GPC4: variants seen among roughly 807,000 people sequenced by gnomAD.
GPC4 encodes the protein glypican 4.
GPC4 carries 10 observed loss-of-function variants against 35.0 expected under a neutral mutation model. The ratio of observed to expected loss-of-function variants is 0.29; its 90% confidence interval spans 0.18 to 0.48. The LOEUF (loss-of-function observed/expected upper bound fraction) is 0.48. Ranked by LOEUF, GPC4 falls within the 20% of genes least tolerant of loss-of-function variation. The pLI is 0.99. For missense variants in GPC4, 322 were observed against 451.3 expected (o/e 0.71, Z 2.60); for synonymous variants, 167 against 170.2 (o/e 0.98, Z 0.15).
At chrX:133,396,477 T>C (rs2068743404) in intron 1 of GPC4, among the ~76,000 whole-genome samples, 2 of 112,260 alleles carry the variant, frequency 1.8e-5, no homozygotes, top group African/African-American at 6.5e-5. Context: ...AATCAATAAC[T>C]GCGCCAAATG....
intron 1 of GPC4, among the ~76,000 whole-genome samples, chrX:133,386,094 G>A (rs1323052014): frequency 9.2e-6 from 1 of 108,972 alleles, no homozygotes; most frequent in Non-Finnish European, 1.9e-5. Flanking sequence ...CTCTGGCCCA[G>A]CACAGTGGTT....
intron 1 of GPC4, among the ~76,000 whole-genome samples, chrX:133,411,580 C>T (rs1459539099): frequency 1.8e-5 from 2 of 110,956 alleles, no homozygotes; most frequent in Non-Finnish European, 3.8e-5. Flanking sequence ...GCTTGTATGG[C>T]ACTTATCACC....
intron 7 of GPC4, among the ~76,000 whole-genome samples, chrX:133,304,284 A>G (rs145084935): frequency 0.056 from 6,211 of 110,798 alleles, 188 homozygotes; most frequent in Middle Eastern, 0.15. Flanking sequence ...TGGGCAAAAG[A>G]GCGAGACTCC....
At chrX:133,318,764 C>T (rs1469527832) in intron 3 of GPC4, among the ~76,000 whole-genome samples, 1 of 112,285 alleles carries the variant, frequency 8.9e-6, no homozygotes, top group Non-Finnish European at 1.9e-5. Context: ...TATCATGAAC[C>T]ATGACAAATA....
intron 6 of GPC4, among the ~76,000 whole-genome samples, 175 bp downstream of exon 6, chrX:133,305,597 A>G (rs962698706): frequency 1.8e-5 from 2 of 112,529 alleles, no homozygotes; most frequent in African/African-American, 6.5e-5. Flanking sequence ...GCTACCCAAG[A>G]ACTTTCTGGG....
intron 4 of GPC4, among the ~76,000 whole-genome samples, chrX:133,309,771 G>A (rs2068306576): frequency 8.9e-6 from 1 of 111,918 alleles, no homozygotes; most frequent in South Asian, 3.7e-4. Context: ...GATGAGTGTG[G>A]GATTAAAGAG....
chrX:133,324,687 G>C, intron 2 of GPC4, 151 bp from the exon 3 acceptor site: 1 of 532,498 alleles, frequency 1.9e-6, no homozygotes, highest in Non-Finnish European at 2.9e-6. Context: ...TTCTTTTGGG[G>C]AATGTGGCAT....
At chrX:133,341,912 T>A (rs1322039080) in intron 1 of GPC4, among the ~76,000 whole-genome samples, 3 of 108,989 alleles carry the variant, frequency 2.8e-5, no homozygotes, top group African/African-American at 1.0e-4. Context: ...CTGCCACACA[T>A]AAAAGGCCCA....
At chrX:133,377,263 A>G (rs938986257) in intron 1 of GPC4, among the ~76,000 whole-genome samples, 4 of 111,759 alleles carry the variant, frequency 3.6e-5, no homozygotes, top group Non-Finnish European at 7.5e-5. Flanking sequence ...CCCAGAGCCT[A>G]AGACCTCCCA....
intron 3 of GPC4, among the ~76,000 whole-genome samples, chrX:133,321,124 T>C (rs1011976309): frequency 8.9e-6 from 1 of 112,241 alleles, no homozygotes; most frequent in African/African-American, 3.2e-5. Flanking sequence ...AGTAAGGGTG[T>C]CTGAATCTTA....
In GPC4 at chrX:133,303,194, A is replaced by G; in HGVS notation, c.1440T>C (p.Asn480=). The G allele has an allele frequency of 8.3e-7, 1 of 1,211,553 alleles. No individual in the cohort carries two copies. The highest frequency in any genetic ancestry group is 1.1e-6 in the Non-Finnish European group (1 of 895,393). ...TATCAAAGAAGTCCACGTCGTTCCCATTGTATGCATTCTTCATCTTGCTGG... is the reference window on the plus strand; with the variant it reads ...TATCAAAGAAGTCCACGTCGTTCCCGTTGTATGCATTCTTCATCTTGCTGG... The part of the protein sequence containing the change: ...VMTSKMKNAY[N]GNDVDFFDIS... Residue 480 remains asparagine, a synonymous_variant, in exon 8 of 9, where the codon AAT becomes AAC. Transcript: ENST00000370828.
rs746824918 is a variant in GPC4 at position 133,405,104 on chromosome X, CTTTTTTTTTTT to C, written c.160+9691_160+9701del. 2.0e-3 allele frequency among the ~76,000 whole-genome samples: 136 copies of C among 67,155 alleles called. No individual in the cohort carries two copies. In the South Asian group the frequency reaches 0.022, roughly 11 times the overall value. 58.3% of individuals were successfully genotyped at this position (67,155 alleles called of 115,157 possible). ...TATTTTGAATATTTCCAATAGAACT[CTTTTTTTTTTT>C]TTTTTTTTTTGAGACAGAGTTTCAC... On this transcript the variant is annotated intron_variant, in intron 1 of 8. Coordinates refer to ENST00000370828, the MANE Select transcript of GPC4 (RefSeq NM_001448.3).
chrX:133,395,644 T>A (rs1273134389), intron 1 of GPC4, among the ~76,000 whole-genome samples: 1 of 111,593 alleles, frequency 9.0e-6, no homozygotes, highest in Non-Finnish European at 1.9e-5. Context: ...AAATGAAATT[T>A]TTTTTAAACC....
chrX:133,415,080 A>C lies in GPC4; in HGVS notation c.-115T>G, dbSNP rs1442299630. 8 of 753,876 alleles carry C rather than the reference A, an allele frequency of 1.1e-5. No homozygotes were observed. Among genetic ancestry groups the C allele is most frequent in the Non-Finnish European group, 1.5e-5 (8 of 530,274 alleles). 62.1% of individuals were successfully genotyped at this position (753,876 alleles called of 1,213,427 possible). On this transcript the variant is annotated 5_prime_UTR_variant, in exon 1 of 9. Coordinates refer to ENST00000370828, the MANE Select transcript of GPC4 (RefSeq NM_001448.3). ...ACTAGCGAGTGGAGCTGGAGGGAGAAGGAGTTGGAGTTGGTGGAAGAGGCG... is the reference window on the plus strand; with the variant it reads ...ACTAGCGAGTGGAGCTGGAGGGAGACGGAGTTGGAGTTGGTGGAAGAGGCG...
At chrX:133,412,782 C>T (rs772633863) in intron 1 of GPC4, among the ~76,000 whole-genome samples, 47 of 111,491 alleles carry the variant, frequency 4.2e-4, no homozygotes, top group Admixed American at 3.4e-3. Context: ...CTCTGAGCAC[C>T]CTTCAAGCTT....
At chrX:133,325,856 AC>A (rs2068390399) in intron 2 of GPC4, among the ~76,000 whole-genome samples, 1 of 111,589 alleles carries the variant, frequency 9.0e-6, no homozygotes, top group South Asian at 3.8e-4. Flanking sequence ...GAAACTGAAT[AC>A]TTTTGCAGGG....
rs938872657 is a variant in GPC4 at position 133,382,495 on chromosome X, A to G, written c.160+32311T>C. Reference sequence around the variant, plus strand: ...TGTAATTGCAGCACTTTGGGAGGCCAAGGCGGGTGGATCACCAGGTCAGGA... The same window carrying G: ...TGTAATTGCAGCACTTTGGGAGGCCGAGGCGGGTGGATCACCAGGTCAGGA... On this transcript the variant is annotated intron_variant, in intron 1 of 8. Coordinates refer to ENST00000370828, the MANE Select transcript of GPC4 (RefSeq NM_001448.3). Among the ~76,000 whole-genome samples, 177 of 107,091 alleles carry G rather than the reference A, an allele frequency of 1.7e-3. 2 individuals carry two copies. The highest frequency in any genetic ancestry group is 2.4e-3 in the Non-Finnish European group (123 of 51,980). 93.0% of individuals were successfully genotyped at this position (107,091 alleles called of 115,157 possible). A position where few individuals can be genotyped will look rare whatever the true frequency, so the allele number is the denominator to read the frequency against.
At chrX:133,390,303 CG>C (rs1252360925) in intron 1 of GPC4, among the ~76,000 whole-genome samples, 2 of 111,658 alleles carry the variant, frequency 1.8e-5, no homozygotes, top group African/African-American at 6.5e-5. Flanking sequence ...AATGAATTAG[CG>C]TATTAACTAA....
chrX:133,305,956 C>T lies in GPC4; in HGVS notation c.1009-38G>A, dbSNP rs759981825. On this transcript the variant is annotated intron_variant, in intron 5 of 8. Transcript: ENST00000370828. ...AAGTGTCGTCATGTTAGGGAAGTCA[C>T]TCCCAAGGCGGGAGGCGGAGGCGGG... 31 of 1,208,570 alleles carry T rather than the reference C, an allele frequency of 2.6e-5. No homozygotes were observed. The South Asian group carries it at 4.2e-4, about 17-fold the overall frequency.
Sources: allele counts gnomAD v4.1 joint callset (sites outside exome capture counted in the v4.1 genomes callset), GRCh38; gene constraint gnomAD v4.1.1; transcripts MANE v1.5; gene names NCBI Gene and HGNC (gene_info 2026-07-23, HGNC 2026-07-21).